CNGA1: variants seen among roughly 807,000 people sequenced by gnomAD.
CNGA1 encodes the protein cyclic nucleotide-gated channel alpha-1.
CNGA1 carries 53 observed loss-of-function variants against 69.7 expected under a neutral mutation model. The ratio of observed to expected loss-of-function variants is 0.76; its 90% confidence interval spans 0.61 to 0.96. CNGA1 has a LOEUF of 0.96. Among genes scored for constraint, CNGA1 ranks in the 40% least tolerant of loss-of-function variants. The probability of loss-of-function intolerance (pLI) is 0.00; values close to 1 mark genes in which losing one functional copy is unlikely to be tolerated. For missense variants in CNGA1, 739 were observed against 811.2 expected (o/e 0.91, Z 1.08); for synonymous variants, 249 against 283.5 (o/e 0.88, Z 1.22).
At chr4:47,967,263 A>G (rs13144735) in intron 3 of CNGA1, among the ~76,000 whole-genome samples, 1 of 152,196 alleles carries the variant, frequency 6.6e-6, no homozygotes, top group African/African-American at 2.4e-5. Flanking sequence ...AGATCTTGCC[A>G]CTGCACTCCT....
At chr4:47,969,711 C>A (rs1185944715) in intron 3 of CNGA1, among the ~76,000 whole-genome samples, 1 of 152,114 alleles carries the variant, frequency 6.6e-6, no homozygotes, top group African/African-American at 2.4e-5. Context: ...CTCGGGTGAT[C>A]TCCCCGCTTT....
intron 3 of CNGA1, among the ~76,000 whole-genome samples, chr4:47,969,453 G>A (rs1216458329): frequency 6.6e-6 from 1 of 151,968 alleles, no homozygotes; most frequent in African/African-American, 2.4e-5. Flanking sequence ...TCAGTTTTTT[G>A]TTTGTTTTTT....
In CNGA1 at chr4:47,936,936, T is replaced by C; in HGVS notation, c.1546A>G (p.Lys516Glu). Residue 516 changes from lysine to glutamate, a missense_variant, in exon 11 of 11, where the codon AAG becomes GAG. Transcript: ENST00000514170. ...GCCACCACAGCGAGTTTGCCTTCCT[T>C]GATAATGTACATCTCTCGTCCGATA... ...GDIGREMYII[K>E]EGKLAVVADD... 1 of 1,614,110 alleles carries C rather than the reference T, an allele frequency of 6.2e-7. No homozygotes were observed. Among genetic ancestry groups the C allele is most frequent in the Non-Finnish European group, 8.5e-7 (1 of 1,179,996 alleles).
intron 3 of CNGA1, among the ~76,000 whole-genome samples, chr4:47,974,831 A>AG (rs986718189): frequency 1.3e-5 from 2 of 152,172 alleles, no homozygotes; most frequent in African/African-American, 4.8e-5. Flanking sequence ...TTCTTCCACA[A>AG]GGGCTTAGTT....
chr4:48,014,447 C>T (rs1300680370), intron 1 of CNGA1, among the ~76,000 whole-genome samples: 1 of 152,094 alleles, frequency 6.6e-6, no homozygotes, highest in African/African-American at 2.4e-5. Context: ...AACAAAATGC[C>T]TCTTACCTAA....
chr4:48,006,452 GAATA>G (rs1292405343), intron 2 of CNGA1, among the ~76,000 whole-genome samples: 3 of 151,940 alleles, frequency 2.0e-5, no homozygotes, highest in African/African-American at 7.3e-5. Flanking sequence ...CATAATTTTA[GAATA>G]CATACCAATA....
At chr4:47,962,568 G>C (rs1008744695) in intron 3 of CNGA1, among the ~76,000 whole-genome samples, 1 of 151,800 alleles carries the variant, frequency 6.6e-6, no homozygotes, top group Non-Finnish European at 1.5e-5. Context: ...TATTTCCTCA[G>C]GTTCTTACAG....
intron 1 of CNGA1, among the ~76,000 whole-genome samples, chr4:48,011,171 A>G (rs138404425): frequency 6.6e-6 from 1 of 152,298 alleles, no homozygotes; most frequent in Non-Finnish European, 1.5e-5. Context: ...TCCCATGTTT[A>G]AAGGTGGAAG....
intron 1 of CNGA1, among the ~76,000 whole-genome samples, chr4:48,012,249 TA>T (rs1443762259): frequency 6.6e-6 from 1 of 152,128 alleles, no homozygotes; most frequent in Non-Finnish European, 1.5e-5. Context: ...TTGGGCAAGA[TA>T]AAAAAATCAG....
At chr4:47,945,203 T>G (rs2110146002) in intron 6 of CNGA1, among the ~76,000 whole-genome samples, 1 of 152,140 alleles carries the variant, frequency 6.6e-6, no homozygotes, top group Middle Eastern at 3.4e-3. Context: ...TCTCAAAAAA[T>G]AAATTGATTC....
At chr4:47,971,841 C>T (rs186918609) in intron 3 of CNGA1, among the ~76,000 whole-genome samples, 75 of 152,218 alleles carry the variant, frequency 4.9e-4, no homozygotes, top group African/African-American at 1.8e-3. Flanking sequence ...TTGCAGTGAG[C>T]TGAGATCATG....
At chr4:47,953,572 A>G (rs1401933007) in intron 3 of CNGA1, among the ~76,000 whole-genome samples, 1 of 152,210 alleles carries the variant, frequency 6.6e-6, no homozygotes, top group Non-Finnish European at 1.5e-5. Context: ...CCCAAGCAAC[A>G]TATTTTGAAA....
intron 2 of CNGA1, among the ~76,000 whole-genome samples, chr4:47,996,458 G>T (rs989309988): frequency 1.3e-5 from 2 of 152,114 alleles, no homozygotes; most frequent in Admixed American, 6.6e-5. Context: ...CCTTGTTGTT[G>T]CCATTTTTTA....
At chr4:47,995,298 TG>T (rs989684310) in intron 2 of CNGA1, among the ~76,000 whole-genome samples, 2 of 152,094 alleles carry the variant, frequency 1.3e-5, no homozygotes, top group African/African-American at 4.8e-5. Flanking sequence ...TTCTTAGATT[TG>T]GTTGGTTAAC....
chr4:47,988,062 T>A (rs1742063381), intron 2 of CNGA1, among the ~76,000 whole-genome samples: 1 of 152,104 alleles, frequency 6.6e-6, no homozygotes, highest in African/African-American at 2.4e-5. Context: ...TCAGACCAGG[T>A]TGGTACAGGT....
At chr4:47,967,505 A>C (rs1168417093) in intron 3 of CNGA1, among the ~76,000 whole-genome samples, 1 of 152,168 alleles carries the variant, frequency 6.6e-6, no homozygotes, top group Non-Finnish European at 1.5e-5. Flanking sequence ...AAGTAAAACT[A>C]TTTGTTTGTA....
chr4:47,977,155 G>C (rs747388547), intron 3 of CNGA1, among the ~76,000 whole-genome samples: 16 of 152,190 alleles, frequency 1.1e-4, no homozygotes, highest in Admixed American at 2.0e-4. Flanking sequence ...TCTAACCCCA[G>C]AATGTGACGG....
In CNGA1 at chr4:47,981,446, G is replaced by C. The variant is rs1015360105; in HGVS notation, c.-68C>G. On this transcript the variant is annotated 5_prime_UTR_variant, in exon 3 of 11. The change creates a premature stop within an existing upstream ORF in the 5' untranslated region. Transcript: ENST00000514170. The stretch of plus-strand genomic sequence containing the variant: ...TCTTCTAGAAGTGGACGTCACTGGT[G>C]TATCCAAACAAACAGGGATATACGG... 1.3e-5 allele frequency: 2 copies of C among 152,166 alleles called. No homozygotes were observed. Among genetic ancestry groups the C allele is most frequent in the Non-Finnish European group, 2.9e-5 (2 of 68,036 alleles). The allele number at this position is 152,166 out of a possible 1,614,324, so 9.4% of individuals were successfully genotyped here.
At chr4:47,968,283 A>G (rs999025350) in intron 3 of CNGA1, among the ~76,000 whole-genome samples, 11 of 152,236 alleles carry the variant, frequency 7.2e-5, no homozygotes, top group Admixed American at 4.6e-4. Context: ...TAAGAAAAAT[A>G]TGATTGTTGA....
Sources: gnomAD v4.1 joint callset for allele counts (sites outside exome capture counted in the v4.1 genomes callset) on GRCh38, gnomAD v4.1.1 for gene constraint, MANE v1.5 for transcripts, NCBI Gene and HGNC (gene_info 2026-07-23, HGNC 2026-07-21) for gene names.